Variants in TMEM200A observed in about 807,000 individuals in gnomAD.
The protein encoded by TMEM200A is two transmembrane C.
Under a neutral mutation model 24.3 loss-of-function variants are expected in TMEM200A, and 12 were observed. That is an observed-to-expected ratio of 0.49 (90% CI 0.32 to 0.80). The LOEUF is 0.80. Among genes scored for constraint, TMEM200A ranks in the 30% least tolerant of loss-of-function variants. TMEM200A has a pLI of 0.04. For missense variants in TMEM200A, 545 were observed against 614.4 expected, an observed-to-expected ratio of 0.89 and a Z score of 1.19; for synonymous variants, 224 against 224.4, an observed-to-expected ratio of 1.00 and a Z score of 0.02.
intron 1 of TMEM200A, chr6:130,381,811 T>C: frequency 1.5e-6 from 1 of 649,354 alleles, no homozygotes; most frequent in Non-Finnish European, 1.9e-6. Flanking sequence ...GTTTATTTGG[T>C]TTTTACCCTT....
chr6:130,414,715 A>G (rs1462076203), intron 2 of TMEM200A, among the ~76,000 whole-genome samples: 1 of 152,196 alleles, frequency 6.6e-6, no homozygotes, highest in Non-Finnish European at 1.5e-5. Context: ...CTCCTGTAAC[A>G]TCATTTGGCC....
chr6:130,379,260 G>GA (rs965164943), intron 1 of TMEM200A, among the ~76,000 whole-genome samples: 6 of 151,674 alleles, frequency 4.0e-5, no homozygotes, highest in Non-Finnish European at 5.9e-5. Flanking sequence ...TGTTAAATTG[G>GA]AAAAAATTAC....
At chr6:130,434,217 C>T (rs1376070909) in intron 2 of TMEM200A, among the ~76,000 whole-genome samples, 2 of 152,088 alleles carry the variant, frequency 1.3e-5, no homozygotes, top group Non-Finnish European at 2.9e-5. Context: ...GGCACTCTGC[C>T]AAGGCACTGG....
intron 2 of TMEM200A, among the ~76,000 whole-genome samples, chr6:130,422,241 C>G (rs184358759): frequency 7.4e-4 from 113 of 152,132 alleles, no homozygotes; most frequent in Non-Finnish European, 1.3e-3. Flanking sequence ...AATAACCTTC[C>G]TGAAAGGTGT....
At chr6:130,426,466 C>A (rs1052360294) in intron 2 of TMEM200A, among the ~76,000 whole-genome samples, 3 of 150,540 alleles carry the variant, frequency 2.0e-5, no homozygotes, top group Non-Finnish European at 4.4e-5. Flanking sequence ...TGCAGCCCCC[C>A]CCCCCTCAGT....
chr6:130,382,307 C>T (rs145610250), intron 1 of TMEM200A, among the ~76,000 whole-genome samples: 3 of 152,188 alleles, frequency 2.0e-5, no homozygotes, highest in Non-Finnish European at 2.9e-5. Flanking sequence ...CCTTTCGGCT[C>T]GCACTTGCCT....
In TMEM200A at chr6:130,402,341, A is replaced by T. The variant is rs116370561; in HGVS notation, c.-17+17105A>T. Among the ~76,000 whole-genome samples the T allele has an allele frequency of 4.4e-3, 665 of 152,172 alleles. 7 individuals are homozygous for T. The highest frequency in any genetic ancestry group is 0.015 in the African/African-American group (639 of 41,552). On this transcript the variant is annotated intron_variant, in intron 2 of 2. Transcript: ENST00000296978. ...GACAACGCTGTTCATGGAAAATGGG[A>T]ATCAGTTGAGCAAAAAATACAAAAG... is the stretch of plus-strand genomic sequence containing the variant.
At chr6:130,412,748 A>G (rs1425303787) in intron 2 of TMEM200A, among the ~76,000 whole-genome samples, 1 of 152,166 alleles carries the variant, frequency 6.6e-6, no homozygotes, top group Non-Finnish European at 1.5e-5. Flanking sequence ...CTGTTGCTCA[A>G]TGCTAGTTTG....
intron 1 of TMEM200A, among the ~76,000 whole-genome samples, chr6:130,379,924 G>A (rs1200376801): frequency 2.0e-5 from 3 of 152,140 alleles, no homozygotes; most frequent in South Asian, 2.1e-4. Context: ...AGAGCATACC[G>A]AGAAGTAGCA....
chr6:130,387,071 A>G (rs1583183502), intron 2 of TMEM200A, among the ~76,000 whole-genome samples: 2 of 152,164 alleles, frequency 1.3e-5, no homozygotes, highest in East Asian at 3.8e-4. Flanking sequence ...TTGATCTTTA[A>G]GATTCTTTCT....
intron 1 of TMEM200A, among the ~76,000 whole-genome samples, chr6:130,370,925 G>T (rs1050143505): frequency 6.6e-6 from 1 of 152,130 alleles, no homozygotes; most frequent in Non-Finnish European, 1.5e-5. Flanking sequence ...CAGAACTATT[G>T]TTTATGCAAA....
chr6:130,380,704 A>G (rs562919347), intron 1 of TMEM200A, among the ~76,000 whole-genome samples: 5 of 152,336 alleles, frequency 3.3e-5, no homozygotes, highest in South Asian at 4.1e-4. Flanking sequence ...AGTACATGAA[A>G]TGAATATGAA....
intron 2 of TMEM200A, among the ~76,000 whole-genome samples, chr6:130,386,400 T>A (rs1169889749): frequency 3.9e-5 from 6 of 152,192 alleles, no homozygotes; most frequent in Non-Finnish European, 8.8e-5. Flanking sequence ...CTGTGATTGC[T>A]CTAAAGATGC....
chr6:130,365,909 C>T, upstream of TMEM200A: 2 of 985,670 alleles, frequency 2.0e-6, no homozygotes, highest in Admixed American at 6.1e-5. Flanking sequence ...GAGATTGGCA[C>T]GGTCCGGGGT....
At chr6:130,385,300 TATG>T (rs1296929388) in intron 2 of TMEM200A, 64 bp downstream of exon 2, 2 of 151,906 alleles carry the variant, frequency 1.3e-5, no homozygotes, top group Admixed American at 1.3e-4. Context: ...GGTGACTTTT[TATG>T]ATGATTTTTT....
chr6:130,417,041 C>A (rs1485792929), intron 2 of TMEM200A, among the ~76,000 whole-genome samples: 1 of 152,162 alleles, frequency 6.6e-6, no homozygotes, highest in Non-Finnish European at 1.5e-5. Context: ...TTGATATTCA[C>A]TTCCATACCA....
intron 1 of TMEM200A, among the ~76,000 whole-genome samples, chr6:130,380,078 A>G (rs1213057804): frequency 6.6e-6 from 1 of 152,220 alleles, no homozygotes; most frequent in East Asian, 1.9e-4. Flanking sequence ...AATTTAATCT[A>G]TAAGTGCATC....
chr6:130,383,984 G>T (rs1778658753), intron 1 of TMEM200A, among the ~76,000 whole-genome samples: 2 of 152,094 alleles, frequency 1.3e-5, no homozygotes, highest in African/African-American at 2.4e-5. Context: ...GCCAGGTGTG[G>T]TGGTGCACAC....
At chr6:130,422,324 A>G (rs1779614249) in intron 2 of TMEM200A, among the ~76,000 whole-genome samples, 1 of 152,130 alleles carries the variant, frequency 6.6e-6, no homozygotes, top group African/African-American at 2.4e-5. Flanking sequence ...GCTGGAAGGT[A>G]GTGGTGCGAT....
Sources: gnomAD v4.1 joint callset for allele counts (sites outside exome capture counted in the v4.1 genomes callset) on GRCh38, gnomAD v4.1.1 for gene constraint, MANE v1.5 for transcripts, NCBI Gene and HGNC (gene_info 2026-07-23, HGNC 2026-07-21) for gene names.